The following SUPT3H variants were observed in gnomAD, a reference collection of about 807,000 sequenced individuals.
The protein encoded by SUPT3H is transcription initiation protein SPT3 homolog.
SUPT3H carries 44 observed loss-of-function variants against 44.3 expected under a neutral mutation model. The ratio of observed to expected loss-of-function variants is 0.99; its 90% CI spans 0.78 to 1.28. SUPT3H has a LOEUF of 1.28. Among genes scored for constraint, SUPT3H ranks in the 50% most tolerant of loss-of-function variants. The pLI, the probability that SUPT3H is intolerant of heterozygous loss-of-function variation, is 0.00. For synonymous variants in SUPT3H, 124 were observed against 125.6 expected, an observed-to-expected ratio of 0.99 and a Z score of 0.09; for missense variants, 380 against 387.1, an observed-to-expected ratio of 0.98 and a Z score of 0.15.
At chr6:45,363,409 G>T (rs907070289) in intron 2 of SUPT3H, among the ~76,000 whole-genome samples, 1 of 152,036 alleles carries the variant, frequency 6.6e-6, no homozygotes, top group African/African-American at 2.4e-5. Flanking sequence ...AGGGAGAGTA[G>T]GGAGAAAGGT....
chr6:44,881,889 A>T (rs527538264), intron 10 of SUPT3H, among the ~76,000 whole-genome samples: 43 of 152,234 alleles, frequency 2.8e-4, no homozygotes, highest in Middle Eastern at 3.4e-3. Flanking sequence ...TAAAGCAGTG[A>T]TTAGAGGGAA....
intron 2 of SUPT3H, among the ~76,000 whole-genome samples, chr6:45,115,172 A>G (rs981969805): frequency 7.2e-5 from 11 of 152,176 alleles, no homozygotes; most frequent in Non-Finnish European, 1.0e-4. Context: ...AGTTTCTCCC[A>G]TGTTACATAA....
At chr6:45,098,631 C>G in intron 3 of SUPT3H, 2 of 335,786 alleles carry the variant, frequency 6.0e-6, no homozygotes, top group Non-Finnish European at 1.2e-5. Flanking sequence ...ATCAATGATC[C>G]AGAAACAGAT....
intron 10 of SUPT3H, among the ~76,000 whole-genome samples, chr6:44,869,541 T>G (rs1290694737): frequency 1.3e-5 from 2 of 152,214 alleles, no homozygotes; most frequent in Non-Finnish European, 2.9e-5. Context: ...AACTTCAATG[T>G]GTGTATCTGT....
rs1278392234 is a variant in SUPT3H, at chr6:45,181,442, A to G, written c.102-75436T>C. Among the ~76,000 whole-genome samples, 19 of 152,120 alleles carry G rather than the reference A, an allele frequency of 1.2e-4. 1 individual carries two copies. Among genetic ancestry groups the G allele is most frequent in the Non-Finnish European group, 2.5e-4 (17 of 68,026 alleles). ...ATATGTTTATTGCGGCATTATTCAC[A>G]ATAGCATAGATTTGGAACCAACCCA... is the stretch of plus-strand genomic sequence containing the variant. On this transcript the variant is annotated intron_variant, in intron 2 of 10. Transcript: ENST00000371459.
At chr6:45,129,738 A>C (rs1417256247) in intron 2 of SUPT3H, among the ~76,000 whole-genome samples, 1 of 151,950 alleles carries the variant, frequency 6.6e-6, no homozygotes, top group Non-Finnish European at 1.5e-5. Context: ...CCAGAAAGCG[A>C]AGACGTATAC....
intron 11 of SUPT3H, among the ~76,000 whole-genome samples, chr6:44,818,295 GTAT>G (rs1767041747): frequency 6.6e-6 from 1 of 151,920 alleles, no homozygotes; most frequent in South Asian, 2.1e-4. Context: ...CTCTTATCTT[GTAT>G]TAATACCATA....
At chr6:45,291,543 C>CA (rs1037240980) in intron 2 of SUPT3H, among the ~76,000 whole-genome samples, 34 of 151,972 alleles carry the variant, frequency 2.2e-4, no homozygotes, top group African/African-American at 7.5e-4. Flanking sequence ...TAAGGAAATC[C>CA]AAAAAATATT....
chr6:45,242,878 C>T (rs1770624285), intron 2 of SUPT3H, among the ~76,000 whole-genome samples: 1 of 151,984 alleles, frequency 6.6e-6, no homozygotes, highest in Non-Finnish European at 1.5e-5. Flanking sequence ...GATAACAAAA[C>T]TTGGCAGGAA....
chr6:45,197,489 T>C (rs1194425956), intron 2 of SUPT3H, among the ~76,000 whole-genome samples: 2 of 151,410 alleles, frequency 1.3e-5, no homozygotes, highest in Non-Finnish European at 3.0e-5. Context: ...AGTTAAATTA[T>C]GCTATTTGGT....
At position 45,120,417 on chromosome 6, in the gene SUPT3H, T is replaced by TAAAAAAAAAAAAAAAA. The variant is rs71687494; in HGVS notation, c.102-14427_102-14412dup. 3.8e-4 allele frequency among the ~76,000 whole-genome samples: 19 copies of TAAAAAAAAAAAAAAAA among 50,504 alleles called. 1 individual carries two copies. Among genetic ancestry groups the TAAAAAAAAAAAAAAAA allele is most frequent in the African/African-American group, 1.0e-3 (14 of 13,478 alleles). The allele number at this position is 50,504 out of a possible 152,430, so 33.1% of individuals were successfully genotyped here. On this transcript the variant is annotated intron_variant, in intron 2 of 10. Transcript: ENST00000371459. ...CTGGGTAACAGTGTGAGACCTTGTC[T>TAAAAAAAAAAAAAAAA]AAAAAAAAAAAAAAAAAAAAAAAAG...
intron 2 of SUPT3H, among the ~76,000 whole-genome samples, chr6:45,295,231 A>C (rs891010638): frequency 6.6e-6 from 1 of 152,094 alleles, no homozygotes; most frequent in African/African-American, 2.4e-5. Flanking sequence ...ACAAACAAAC[A>C]AAACATAAAT....
At chr6:44,997,931 T>C (rs76751306) in intron 6 of SUPT3H, among the ~76,000 whole-genome samples, 409 of 151,978 alleles carry the variant, frequency 2.7e-3, no homozygotes, top group African/African-American at 9.4e-3. Context: ...ATTTGATATA[T>C]GATAGTAATA....
intron 6 of SUPT3H, among the ~76,000 whole-genome samples, chr6:45,002,709 T>G (rs1328823700): frequency 6.6e-6 from 1 of 152,096 alleles, no homozygotes; most frequent in Non-Finnish European, 1.5e-5. Context: ...AATTGATACC[T>G]AAAAGAACAC....
chr6:45,121,155 T>C (rs1249753915), intron 2 of SUPT3H, among the ~76,000 whole-genome samples: 1 of 152,074 alleles, frequency 6.6e-6, no homozygotes, highest in Non-Finnish European at 1.5e-5. Context: ...TCCACAAAAA[T>C]CTTGGCCCAG....
chr6:44,937,900 CTTTTTTTTT>C (rs746279156), intron 9 of SUPT3H, among the ~76,000 whole-genome samples: 4 of 59,112 alleles, frequency 6.8e-5, no homozygotes, highest in Admixed American at 2.6e-4. Context: ...TGCTCACTAT[CTTTTTTTTT>C]TTTTTTTTTT....
chr6:45,263,568 C>G (rs1774750946), intron 2 of SUPT3H, among the ~76,000 whole-genome samples: 1 of 152,036 alleles, frequency 6.6e-6, no homozygotes, highest in Non-Finnish European at 1.5e-5. Context: ...AATTCGTACA[C>G]CAAACCTCAG....
At chr6:45,105,551 T>C (rs1212444750) in intron 3 of SUPT3H, among the ~76,000 whole-genome samples, 2 of 152,168 alleles carry the variant, frequency 1.3e-5, no homozygotes, top group Non-Finnish European at 2.9e-5. Flanking sequence ...TAAAAAATAA[T>C]GTACATACCT....
chr6:45,006,022 T>C (rs1782668821), intron 5 of SUPT3H, among the ~76,000 whole-genome samples: 1 of 152,122 alleles, frequency 6.6e-6, no homozygotes, highest in Non-Finnish European at 1.5e-5. Flanking sequence ...TCTATAATTA[T>C]TCCTCTTTAT....
Sources: allele counts gnomAD v4.1 joint callset (sites outside exome capture counted in the v4.1 genomes callset), GRCh38; gene constraint gnomAD v4.1.1; transcripts MANE v1.5; gene names NCBI Gene and HGNC (gene_info 2026-07-23, HGNC 2026-07-21).